The following BCKDHB variants were observed in gnomAD, a reference collection of about 807,000 sequenced individuals.
BCKDHB encodes branched chain keto acid dehydrogenase E1 subunit beta.
BCKDHB carries 41 observed loss-of-function variants against 48.5 expected under a neutral mutation model. The observed-to-expected ratio is 0.85, with a 90% confidence interval of 0.66 to 1.10. BCKDHB has a LOEUF of 1.10. Ranked by LOEUF, BCKDHB falls within the 50% of genes least tolerant of loss-of-function variation. The pLI, the probability that BCKDHB is intolerant of heterozygous loss-of-function variation, is 0.00. For missense variants in BCKDHB, 496 were observed against 494.2 expected (o/e 1.00, Z -0.03); for synonymous variants, 201 against 174.8 (o/e 1.15, Z -1.18).
At chr6:80,116,856 A>T (rs1450747772) in intron 1 of BCKDHB, among the ~76,000 whole-genome samples, 2 of 152,242 alleles carry the variant, frequency 1.3e-5, no homozygotes, top group East Asian at 3.8e-4. Context: ...ATGTATATAG[A>T]TTATTTTTTA....
intron 3 of BCKDHB, among the ~76,000 whole-genome samples, chr6:80,138,959 C>T (rs894327045): frequency 2.0e-5 from 3 of 152,192 alleles, no homozygotes; most frequent in African/African-American, 7.2e-5. Flanking sequence ...TCCTCTCCAG[C>T]ACCTGTTGTT....
At chr6:80,196,525 G>A (rs948703649) in intron 6 of BCKDHB, among the ~76,000 whole-genome samples, 1 of 152,092 alleles carries the variant, frequency 6.6e-6, no homozygotes, top group Non-Finnish European at 1.5e-5. Context: ...AGTTGAGCGT[G>A]TGCTTCTCAA....
At chr6:80,146,663 A>G (rs1382223635) in intron 3 of BCKDHB, among the ~76,000 whole-genome samples, 1 of 152,168 alleles carries the variant, frequency 6.6e-6, no homozygotes, top group Non-Finnish European at 1.5e-5. Flanking sequence ...CCTGGTTTAC[A>G]TTAAAGAATT....
chr6:80,221,135 C>T (rs1412689617), intron 8 of BCKDHB, among the ~76,000 whole-genome samples: 1 of 152,080 alleles, frequency 6.6e-6, no homozygotes, highest in Non-Finnish European at 1.5e-5. Flanking sequence ...TGTTTTTATT[C>T]TCAATTCTTA....
At chr6:80,330,909 C>G (rs1228247608) in intron 9 of BCKDHB, among the ~76,000 whole-genome samples, 1 of 152,074 alleles carries the variant, frequency 6.6e-6, no homozygotes. Flanking sequence ...CAAATTTTAC[C>G]TTGTTTTGAA....
At chr6:80,278,406 C>A (rs1222758178) in intron 9 of BCKDHB, among the ~76,000 whole-genome samples, 2 of 152,156 alleles carry the variant, frequency 1.3e-5, no homozygotes, top group African/African-American at 4.8e-5. Context: ...AAGTCTAAAT[C>A]ACTCTGGGGA....
At chr6:80,355,813 T>G in the BCKDHB span, 1 of 152,238 alleles carries the variant, frequency 6.6e-6, no homozygotes, top group South Asian at 2.1e-4. Flanking sequence ...CAGAAATATC[T>G]GCTGCCGGTA....
chr6:80,342,732 T>A (rs1396849856), intron 9 of BCKDHB, among the ~76,000 whole-genome samples: 1 of 152,108 alleles, frequency 6.6e-6, no homozygotes, highest in Non-Finnish European at 1.5e-5. Flanking sequence ...GAGGTTGCAG[T>A]GAGCCGTGTT....
At chr6:80,450,325 TCTTTA>T in the BCKDHB span, among the ~76,000 whole-genome samples, 2 of 152,182 alleles carry the variant, frequency 1.3e-5, no homozygotes, top group African/African-American at 4.8e-5. Flanking sequence ...GCTTTTCTTT[TCTTTA>T]CTTTTTTTCT....
At chr6:80,208,361 T>C (rs1324594660) in intron 8 of BCKDHB, among the ~76,000 whole-genome samples, 2 of 151,652 alleles carry the variant, frequency 1.3e-5, no homozygotes, top group African/African-American at 4.8e-5. Context: ...GCTGTAAATA[T>C]ATAAATTTAG....
chr6:80,265,473 C>G (rs886576104), intron 8 of BCKDHB, among the ~76,000 whole-genome samples: 5 of 151,854 alleles, frequency 3.3e-5, no homozygotes, highest in African/African-American at 1.2e-4. Flanking sequence ...TTGTATGAAC[C>G]CATTTATATA....
chr6:80,323,842 G>A (rs912781760), intron 9 of BCKDHB, among the ~76,000 whole-genome samples: 1 of 152,140 alleles, frequency 6.6e-6, no homozygotes. Context: ...GCGCCATCTT[G>A]GCTCACTGCA....
At chr6:80,124,279 C>A (rs1008994799) in intron 1 of BCKDHB, among the ~76,000 whole-genome samples, 1 of 152,084 alleles carries the variant, frequency 6.6e-6, no homozygotes, top group South Asian at 2.1e-4. Flanking sequence ...TATTTCTGTT[C>A]TTTTACATTT....
the BCKDHB span, among the ~76,000 whole-genome samples, chr6:80,419,555 A>G: frequency 6.6e-6 from 1 of 152,186 alleles, no homozygotes; most frequent in East Asian, 1.9e-4. Context: ...GCCATGCTTT[A>G]TTACAGGCAC....
the BCKDHB span, among the ~76,000 whole-genome samples, chr6:80,463,748 C>T: frequency 6.6e-6 from 1 of 152,140 alleles, no homozygotes; most frequent in African/African-American, 2.4e-5. Context: ...TATGCCATAA[C>T]ATTGAACACA....
chr6:80,127,673 T>C (rs1296688507), intron 2 of BCKDHB, 49 bp downstream of exon 2: 4 of 1,481,380 alleles, frequency 2.7e-6, no homozygotes, highest in Non-Finnish European at 3.8e-6. Context: ...AATTCCAGAA[T>C]TGAAGATTTG....
At chr6:80,308,522 A>G (rs1767984823) in intron 9 of BCKDHB, among the ~76,000 whole-genome samples, 1 of 152,080 alleles carries the variant, frequency 6.6e-6, no homozygotes, top group Non-Finnish European at 1.5e-5. Flanking sequence ...TTTTGTAGAT[A>G]TAATTAAACA....
chr6:80,127,190 A>C (rs1202957240), intron 1 of BCKDHB: 1 of 301,546 alleles, frequency 3.3e-6, no homozygotes. Flanking sequence ...CTTATGGCTT[A>C]GGTTCCTAAC....
chr6:80,409,933 A>G, the BCKDHB span, among the ~76,000 whole-genome samples: 4 of 151,770 alleles, frequency 2.6e-5, no homozygotes, highest in Admixed American at 6.6e-5. Context: ...ATTTAATCCT[A>G]TGTGTGAATT....
Sources: allele counts gnomAD v4.1 joint callset (sites outside exome capture counted in the v4.1 genomes callset), GRCh38; gene constraint gnomAD v4.1.1; transcripts MANE v1.5; gene names NCBI Gene and HGNC (gene_info 2026-07-23, HGNC 2026-07-21).